Variants in GIPC2 observed in about 807,000 individuals in gnomAD.
The protein encoded by GIPC2 is GIPC PDZ domain containing family member 2, also known as PDZ domain-containing protein GIPC2.
In GIPC2, 30 loss-of-function variants were observed where a neutral mutation model predicts 30.6. That is an observed-to-expected ratio of 0.98 (90% CI 0.73 to 1.33). The LOEUF (loss-of-function observed/expected upper bound fraction) is 1.33. Ranked by LOEUF, GIPC2 falls within the 40% of genes most tolerant of loss-of-function variation. The pLI, the probability that GIPC2 is intolerant of heterozygous loss-of-function variation, is 0.00. For missense variants in GIPC2, 414 were observed against 390.3 expected (o/e 1.06, Z -0.51); for synonymous variants, 167 against 150.0 (o/e 1.11, Z -0.83).
Position 78,132,506 on chromosome 1 carries a change from G to A in GIPC2, c.797-3086G>A, listed in dbSNP as rs146523764. Reference sequence around the variant, plus strand: ...TGAAGCAGCATTTTCTTTCATTTTTGTGACTAGAAACCCAAAGCAGACATT... The same window carrying A: ...TGAAGCAGCATTTTCTTTCATTTTTATGACTAGAAACCCAAAGCAGACATT... On this transcript the variant is annotated intron_variant, in intron 5 of 5. Coordinates refer to ENST00000370759, the MANE Select transcript of GIPC2 (RefSeq NM_017655.6). 3.9e-5 allele frequency among the ~76,000 whole-genome samples: 6 copies of A among 152,208 alleles called. No homozygotes were observed. The East Asian group carries it at 1.2e-3, about 29-fold the overall frequency.
intron 5 of GIPC2, among the ~76,000 whole-genome samples, chr1:78,126,337 G>A (rs1446204842): frequency 6.6e-6 from 1 of 152,214 alleles, no homozygotes. Context: ...CTTTAACAGG[G>A]TTACTGAAGC....
intron 3 of GIPC2, among the ~76,000 whole-genome samples, chr1:78,095,809 C>T (rs1225158028): frequency 2.6e-5 from 4 of 152,126 alleles, no homozygotes; most frequent in South Asian, 2.1e-4. Context: ...CATTCATCAG[C>T]GTTAAAATAT....
intron 3 of GIPC2, among the ~76,000 whole-genome samples, chr1:78,117,432 G>A (rs76774985): frequency 0.012 from 1,822 of 152,312 alleles, 39 homozygotes; most frequent in African/African-American, 0.042. Context: ...GCAGGCAGGA[G>A]AGAATGGTTT....
intron 1 of GIPC2, among the ~76,000 whole-genome samples, chr1:78,070,755 A>T (rs1661602943): frequency 6.6e-6 from 1 of 152,180 alleles, no homozygotes. Flanking sequence ...CATTTGGTAG[A>T]TTCAAAATAT....
chr1:78,111,705 A>G (rs886168838), intron 3 of GIPC2, among the ~76,000 whole-genome samples: 4 of 152,370 alleles, frequency 2.6e-5, no homozygotes, highest in East Asian at 3.9e-4. Context: ...GCAGCGTTCT[A>G]TTAACGTGAG....
At position 78,112,370 on chromosome 1, in the gene GIPC2, C is replaced by G. The variant is rs1571517171; in HGVS notation, c.608-7023C>G. 7.8e-6 allele frequency: 4 copies of G among 514,328 alleles called. No homozygotes were observed. In the East Asian group the frequency reaches 1.6e-4, roughly 21 times the overall value. The allele number at this position is 514,328 out of a possible 1,614,324, so 31.9% of individuals were successfully genotyped here. On this transcript the variant is annotated intron_variant, in intron 3 of 5. Coordinates refer to ENST00000370759, the MANE Select transcript of GIPC2 (RefSeq NM_017655.6). ...AGGAAGTGTGATCCTGTTAGGCAAC[C>G]TTGTTGACCTTCTCTGTGTCCATAG...
intron 3 of GIPC2, among the ~76,000 whole-genome samples, chr1:78,117,888 G>A (rs1662597960): frequency 6.6e-6 from 1 of 152,012 alleles, no homozygotes; most frequent in African/African-American, 2.4e-5. Context: ...TAAAAATCCG[G>A]AGATGCACAC....
At chr1:78,117,284 CCTA>C (rs1293912013) in intron 3 of GIPC2, among the ~76,000 whole-genome samples, 3 of 152,172 alleles carry the variant, frequency 2.0e-5, no homozygotes, top group Non-Finnish European at 4.4e-5. Flanking sequence ...GACCTCACTG[CCTA>C]CTGGTACTCA....
chr1:78,118,570 G>A (rs974721409), intron 3 of GIPC2, among the ~76,000 whole-genome samples: 1 of 152,192 alleles, frequency 6.6e-6, no homozygotes, highest in Non-Finnish European at 1.5e-5. Flanking sequence ...CAAGCATAAG[G>A]AAAGTAGTGG....
At chr1:78,132,653 T>C (rs1662920949) in intron 5 of GIPC2, among the ~76,000 whole-genome samples, 1 of 113,498 alleles carries the variant, frequency 8.8e-6, no homozygotes, top group South Asian at 2.9e-4. Flanking sequence ...TTTTTCCCTC[T>C]TATAGCCAAG....
rs1274691681 is a variant in GIPC2, at chr1:78,069,083, A to G, written c.241-11592A>G. 4 of 985,218 alleles carry G rather than the reference A, an allele frequency of 4.1e-6. No individual in the cohort carries two copies. The African/African-American group carries it at 7.0e-5, about 17-fold the overall frequency. 61.0% of individuals were successfully genotyped at this position (985,218 alleles called of 1,614,324 possible). ...GAGAGTTGGAAGAAACTGCTTGGTG[A>G]GAGTAGGGAACAGGTTGCTGATAAT... On this transcript the variant is annotated intron_variant, in intron 1 of 5. Coordinates refer to ENST00000370759, the MANE Select transcript of GIPC2 (RefSeq NM_017655.6).
At chr1:78,055,684 C>CAA (rs1661276140) in intron 1 of GIPC2, among the ~76,000 whole-genome samples, 1 of 152,160 alleles carries the variant, frequency 6.6e-6, no homozygotes, top group East Asian at 1.9e-4. Context: ...TATTAAACTT[C>CAA]CTAAGAAAGA....
chr1:78,090,628 T>A (rs1269974805), intron 2 of GIPC2, among the ~76,000 whole-genome samples: 1 of 152,244 alleles, frequency 6.6e-6, no homozygotes, highest in Non-Finnish European at 1.5e-5. Flanking sequence ...CACAAAACTG[T>A]CATTCTCAGA....
chr1:78,074,506 A>G (rs1260039474), intron 1 of GIPC2, among the ~76,000 whole-genome samples: 1 of 152,246 alleles, frequency 6.6e-6, no homozygotes, highest in Non-Finnish European at 1.5e-5. Flanking sequence ...TTTAAAAAGT[A>G]TATTTATACA....
Position 78,046,125 on chromosome 1 carries a change from G to C in GIPC2, c.31G>C (p.Ala11Pro). The stretch of plus-strand genomic sequence containing the variant: ...CCTGAAGCTGCGGGGGAAGAAGAAG[G>C]CCAAGTCCAAGGAGACCGCCGGGCT... MPLKLRGKKK[A>P]KSKETAGLVE... Residue 11 changes from alanine to proline, a missense_variant, in exon 1 of 6, where the codon GCC becomes CCC. Physicochemically the swap from Ala to Pro is conservative, Grantham distance 27 (BLOSUM62 -1). Coordinates refer to ENST00000370759, the MANE Select transcript of GIPC2 (RefSeq NM_017655.6). 1 of 1,505,854 alleles carries C rather than the reference G, an allele frequency of 6.6e-7. No individual in the cohort carries two copies. The highest frequency in any genetic ancestry group is 8.8e-7 in the Non-Finnish European group (1 of 1,131,166). 93.3% of individuals were successfully genotyped at this position (1,505,854 alleles called of 1,614,324 possible).
intron 3 of GIPC2, among the ~76,000 whole-genome samples, chr1:78,107,860 G>T (rs940538321): frequency 8.0e-6 from 1 of 125,484 alleles, no homozygotes; most frequent in Non-Finnish European, 1.7e-5. Context: ...AAAAAAAAGA[G>T]CTAGCATTCT....
chr1:78,073,674 A>G (rs1661663476), intron 1 of GIPC2, among the ~76,000 whole-genome samples: 1 of 152,246 alleles, frequency 6.6e-6, no homozygotes. Context: ...AACAAAAGAA[A>G]GTTGGAAGTG....
At chr1:78,135,084 T>C (rs1272977735) in intron 5 of GIPC2, among the ~76,000 whole-genome samples, 1 of 152,212 alleles carries the variant, frequency 6.6e-6, no homozygotes, top group African/African-American at 2.4e-5. Context: ...CTTCCTCTGC[T>C]TCTCCCCAGC....
At chr1:78,112,044 A>G (rs1361893276) in intron 3 of GIPC2, among the ~76,000 whole-genome samples, 3 of 152,246 alleles carry the variant, frequency 2.0e-5, no homozygotes, top group African/African-American at 7.2e-5. Context: ...GGTAGAGATA[A>G]TCAGACCTCA....
Sources: gnomAD v4.1 joint callset for allele counts (sites outside exome capture counted in the v4.1 genomes callset) on GRCh38, gnomAD v4.1.1 for gene constraint, MANE v1.5 for transcripts, NCBI Gene and HGNC (gene_info 2026-07-23, HGNC 2026-07-21) for gene names.